SUN3: variants seen among roughly 807,000 people sequenced by gnomAD.
SUN3 encodes the protein SUN domain-containing protein 3.
SUN3 carries 36 observed loss-of-function variants against 48.2 expected under a neutral mutation model. The ratio of observed to expected loss-of-function variants is 0.75; its 90% CI spans 0.57 to 0.99. SUN3 has a LOEUF of 0.99. SUN3 is among the 50% of genes least tolerant of loss of function. SUN3 has a pLI of 0.00. For missense variants in SUN3, 419 were observed against 433.1 expected, an observed-to-expected ratio of 0.97 and a Z score of 0.29; for synonymous variants, 148 against 147.9, an observed-to-expected ratio of 1.00 and a Z score of 0.00.
chr7:47,987,882 T>G (rs1345226730), intron 9 of SUN3, among the ~76,000 whole-genome samples: 1 of 152,198 alleles, frequency 6.6e-6, no homozygotes, highest in African/African-American at 2.4e-5. Context: ...ATCAGTCTAA[T>G]GAATGAGAAA....
chr7:48,034,294 T>C, the SUN3 span, among the ~76,000 whole-genome samples: 290 of 152,258 alleles, frequency 1.9e-3, no homozygotes, highest in Non-Finnish European at 3.4e-3. Context: ...AGAATTAGAG[T>C]TAATTCCTGC....
upstream of SUN3, among the ~76,000 whole-genome samples, chr7:48,030,372 T>G (rs1226560696): frequency 6.6e-6 from 1 of 152,250 alleles, no homozygotes; most frequent in Non-Finnish European, 1.5e-5. Context: ...GGCATCTGCC[T>G]TCTAGCTATT....
the SUN3 span, chr7:48,035,508 G>T: frequency 1.4e-6 from 1 of 697,244 alleles, no homozygotes; most frequent in East Asian, 2.7e-5. This position sits in a 1 kb window ranked among gnomAD's most constrained non-coding sequence, Gnocchi z 4.0. Context: ...CCCTGGCGAC[G>T]CCGATGTTGT....
chr7:47,988,889 A>C lies in SUN3; in HGVS notation c.862-9T>G. 1 of 1,502,912 alleles carries C rather than the reference A, an allele frequency of 6.7e-7. No homozygotes were observed. Among genetic ancestry groups the C allele is most frequent in the South Asian group, 1.2e-5 (1 of 86,864 alleles). 93.1% of individuals were successfully genotyped at this position (1,502,912 alleles called of 1,614,324 possible). On this transcript the variant is annotated splice_polypyrimidine_tract_variant and intron_variant, in intron 8 of 9. Coordinates refer to ENST00000297325, the MANE Select transcript of SUN3 (RefSeq NM_001030019.2). ...CATTTTTTTGTGATGCCCTATAAAG[A>C]AAGCAACAGATATAGAGATTGTAAT...
At chr7:48,033,045 A>G (rs1284451157), upstream of SUN3, among the ~76,000 whole-genome samples, 10 of 152,262 alleles carry the variant, frequency 6.6e-5, no homozygotes, top group African/African-American at 2.2e-4. Context: ...AATTAGGCAT[A>G]AAGTGAAAAT....
chr7:48,029,124 C>G (rs1473024771), upstream of SUN3: 1 of 821,896 alleles, frequency 1.2e-6, no homozygotes, highest in African/African-American at 1.7e-5. Flanking sequence ...TCTGTTGCAT[C>G]ATCCTCCGTG....
At chr7:48,029,431 T>G (rs1790223964), upstream of SUN3, among the ~76,000 whole-genome samples, 1 of 152,242 alleles carries the variant, frequency 6.6e-6, no homozygotes, top group African/African-American at 2.4e-5. Context: ...TCTATTCTCA[T>G]TATTTTTGAT....
chr7:47,994,267 C>CT, intron 8 of SUN3, 48 bp downstream of exon 8: 1 of 1,597,584 alleles, frequency 6.3e-7, no homozygotes, highest in Non-Finnish European at 8.5e-7. Flanking sequence ...CCTAGCCAAC[C>CT]ACCTTCTATC....
intron 4 of SUN3, among the ~76,000 whole-genome samples, chr7:48,008,759 A>C (rs1789601210): frequency 6.6e-6 from 1 of 152,202 alleles, no homozygotes; most frequent in Non-Finnish European, 1.5e-5. Flanking sequence ...ACTATTTTTA[A>C]TACTAAATAC....
At chr7:48,023,988 G>A (rs980707992) in intron 2 of SUN3, among the ~76,000 whole-genome samples, 5 of 152,130 alleles carry the variant, frequency 3.3e-5, no homozygotes, top group African/African-American at 9.7e-5. Flanking sequence ...GATTCCTATA[G>A]GGAAAGAGTA....
intron 6 of SUN3, 139 bp downstream of exon 6, chr7:48,005,830 A>C: frequency 3.9e-6 from 2 of 517,002 alleles, no homozygotes; most frequent in East Asian, 3.3e-5. Flanking sequence ...TCTCTTCTTT[A>C]TTATCTAAAT....
At position 48,017,327 on chromosome 7, in the gene SUN3, G is replaced by A. The variant is rs760829205; in HGVS notation, c.223C>T (p.Pro75Ser). 6.2e-7 allele frequency: 1 copy of A among 1,609,878 alleles called. No individual in the cohort carries two copies. Residue 75 changes from proline (P) to serine (S), a missense_variant, in exon 3 of 10, where the codon CCT becomes TCT. Coordinates refer to ENST00000297325, the MANE Select transcript of SUN3 (RefSeq NM_001030019.2). The part of the protein sequence containing the change: ...NHQWLKETDV[P>S]QKSRQLYAII... ...GCATATAATTGTCTGGATTTCTGAG[G>A]AACATCTGTTTCTTTAAGCCACTGA...
chr7:48,027,672 A>T (rs1790172387), intron 1 of SUN3, among the ~76,000 whole-genome samples: 1 of 152,214 alleles, frequency 6.6e-6, no homozygotes, highest in Non-Finnish European at 1.5e-5. Flanking sequence ...TTCTCCCAGT[A>T]CAGAATCTTT....
At chr7:47,995,935 CTTATA>C in intron 7 of SUN3, 91 bp downstream of exon 7, 1 of 717,720 alleles carries the variant, frequency 1.4e-6, no homozygotes, top group Non-Finnish European at 2.3e-6. Context: ...TTCAGACACT[CTTATA>C]TTGCCTCCAT....
intron 8 of SUN3, among the ~76,000 whole-genome samples, chr7:47,991,797 C>G (rs1201154108): frequency 1.3e-5 from 2 of 151,970 alleles, no homozygotes; most frequent in African/African-American, 4.8e-5. Flanking sequence ...TGGGTGAAAG[C>G]GTGAGGGGGA....
chr7:48,028,796 C>T (rs755390512), intron 1 of SUN3, 21 bp downstream of exon 1: 18 of 1,609,926 alleles, frequency 1.1e-5, no homozygotes, highest in Middle Eastern at 3.3e-4. Flanking sequence ...TCAGGCACAC[C>T]GTTCTGCCAT....
chr7:48,032,424 T>A (rs1790267739), upstream of SUN3, among the ~76,000 whole-genome samples: 1 of 152,172 alleles, frequency 6.6e-6, no homozygotes, highest in Non-Finnish European at 1.5e-5. Flanking sequence ...TCAATAAAGT[T>A]GGAAAAAATC....
intron 3 of SUN3, among the ~76,000 whole-genome samples, chr7:48,010,553 G>A (rs577832834): frequency 2.6e-5 from 4 of 152,264 alleles, no homozygotes; most frequent in South Asian, 2.1e-4. Context: ...GTGTGAAAAC[G>A]AAGGCCGACC....
intron 8 of SUN3, 110 bp from the exon 9 acceptor site, chr7:47,988,990 G>T: frequency 3.0e-6 from 2 of 655,852 alleles, no homozygotes; most frequent in South Asian, 3.7e-5. Context: ...GGGGCACAGT[G>T]CTGTGATCAT....
Sources: allele counts gnomAD v4.1 joint callset (sites outside exome capture counted in the v4.1 genomes callset), GRCh38; gene constraint gnomAD v4.1.1; non-coding constraint Gnocchi (gnomAD v3.1); transcripts MANE v1.5; gene names NCBI Gene and HGNC (gene_info 2026-07-23, HGNC 2026-07-21).